The following NKAIN3 variants were observed in gnomAD, a reference collection of about 807,000 sequenced individuals.
NKAIN3 encodes sodium/potassium-transporting ATPase subunit beta-1-interacting protein 3.
Under a neutral mutation model 30.2 loss-of-function variants are expected in NKAIN3, and 25 were observed. The ratio of observed to expected loss-of-function variants is 0.83; its 90% CI spans 0.60 to 1.16. NKAIN3 has a LOEUF of 1.16. Among genes scored for constraint, NKAIN3 ranks in the 50% most tolerant of loss-of-function variants. NKAIN3 has a pLI of 0.00. For synonymous variants in NKAIN3, 91 were observed against 89.6 expected (o/e 1.02, Z -0.09); for missense variants, 225 against 254.1 (o/e 0.89, Z 0.78).
chr8:62,910,237 TAAAA>T (rs1416036822), intron 4 of NKAIN3, among the ~76,000 whole-genome samples: 1 of 152,150 alleles, frequency 6.6e-6, no homozygotes, highest in Non-Finnish European at 1.5e-5. Context: ...TCCATGGTCT[TAAAA>T]TTATAAGAAA....
rs1342293087 is a variant in NKAIN3 at position 62,974,389 on chromosome 8, T to C, written c.*8982T>C. On this transcript the variant is annotated 3_prime_UTR_variant, in exon 7 of 7. Coordinates refer to ENST00000623646, the MANE Select transcript of NKAIN3 (RefSeq NM_001304533.3). ...AGAGGTCATTCACATCCCTTGTAAG[T>C]TGCATTCCTAGGTATTTTATTCTCT... 6.6e-6 allele frequency among the ~76,000 whole-genome samples: 1 copy of C among 152,186 alleles called. No homozygotes were observed. The highest frequency in any genetic ancestry group is 1.5e-5 in the Non-Finnish European group (1 of 68,014).
chr8:62,534,958 G>C (rs773983380), intron 1 of NKAIN3, among the ~76,000 whole-genome samples: 1 of 150,046 alleles, frequency 6.7e-6, no homozygotes, highest in East Asian at 2.0e-4. Context: ...AACACAACTA[G>C]ACAAATAACT....
At chr8:62,739,879 A>T (rs975791265) in intron 3 of NKAIN3, among the ~76,000 whole-genome samples, 24 of 152,292 alleles carry the variant, frequency 1.6e-4, no homozygotes, top group African/African-American at 5.5e-4. Context: ...CAGTGGCAAA[A>T]GTCCAAATGA....
intron 3 of NKAIN3, among the ~76,000 whole-genome samples, chr8:62,742,781 C>T (rs778742177): frequency 2.6e-5 from 4 of 152,146 alleles, no homozygotes; most frequent in Non-Finnish European, 4.4e-5. Flanking sequence ...TTAGTCTGTT[C>T]TCACACTGCT....
chr8:62,815,559 G>T (rs1205046473), intron 4 of NKAIN3, among the ~76,000 whole-genome samples: 2 of 152,120 alleles, frequency 1.3e-5, no homozygotes, highest in East Asian at 1.9e-4. Flanking sequence ...TGCAAGTCTG[G>T]TTCAATATAC....
intron 1 of NKAIN3, among the ~76,000 whole-genome samples, chr8:62,299,793 A>G (rs1015988588): frequency 6.6e-6 from 1 of 152,178 alleles, no homozygotes; most frequent in African/African-American, 2.4e-5. Flanking sequence ...CAGTTTTAAC[A>G]ATATGTGAAC....
intron 4 of NKAIN3, among the ~76,000 whole-genome samples, chr8:62,773,251 G>A (rs545016888): frequency 6.6e-6 from 1 of 152,220 alleles, no homozygotes; most frequent in East Asian, 1.9e-4. Context: ...AGAGATTGGA[G>A]TATGGTTTCA....
At chr8:62,621,182 T>C (rs1236890320) in intron 3 of NKAIN3, among the ~76,000 whole-genome samples, 2 of 152,148 alleles carry the variant, frequency 1.3e-5, no homozygotes, top group Non-Finnish European at 2.9e-5. Flanking sequence ...ATAAAAGTTA[T>C]CATTCTGGAG....
At chr8:62,870,759 A>ATC (rs1820616561) in intron 4 of NKAIN3, among the ~76,000 whole-genome samples, 2 of 146,258 alleles carry the variant, frequency 1.4e-5, no homozygotes, top group Non-Finnish European at 3.0e-5. Context: ...ATCTAGATAT[A>ATC]TAGATATATA....
At chr8:62,570,392 A>G (rs2130016384) in intron 1 of NKAIN3, among the ~76,000 whole-genome samples, 1 of 152,316 alleles carries the variant, frequency 6.6e-6, no homozygotes, top group East Asian at 1.9e-4. Context: ...CCGTTTTCAC[A>G]CTGCTGACAA....
chr8:62,400,921 T>C (rs1803840918), intron 1 of NKAIN3, among the ~76,000 whole-genome samples: 1 of 152,214 alleles, frequency 6.6e-6, no homozygotes, highest in Admixed American at 6.5e-5. Context: ...ATGTGCTTCA[T>C]GTTCTGTAAC....
At chr8:62,541,246 G>C (rs1010151231) in intron 1 of NKAIN3, among the ~76,000 whole-genome samples, 9 of 152,112 alleles carry the variant, frequency 5.9e-5, no homozygotes, top group East Asian at 1.9e-4. Context: ...GAACCTGGGA[G>C]GGGGGAGGAT....
intron 4 of NKAIN3, among the ~76,000 whole-genome samples, chr8:62,811,349 G>A (rs1472608333): frequency 6.6e-6 from 1 of 151,942 alleles, no homozygotes; most frequent in African/African-American, 2.4e-5. Context: ...AGGTTTTTAT[G>A]TGAAAAAAAG....
chr8:62,957,822 T>C (rs1309735028), intron 6 of NKAIN3, among the ~76,000 whole-genome samples: 1 of 152,144 alleles, frequency 6.6e-6, no homozygotes, highest in Non-Finnish European at 1.5e-5. Flanking sequence ...CCATGGAATG[T>C]ACAACACCAA....
chr8:62,866,463 G>A (rs189029462), intron 4 of NKAIN3, among the ~76,000 whole-genome samples: 5 of 152,228 alleles, frequency 3.3e-5, no homozygotes, highest in African/African-American at 1.2e-4. Flanking sequence ...TTTGCAAGTT[G>A]CACACAGTTT....
At chr8:62,685,379 C>T (rs747244539) in intron 3 of NKAIN3, among the ~76,000 whole-genome samples, 1 of 152,136 alleles carries the variant, frequency 6.6e-6, no homozygotes, top group Non-Finnish European at 1.5e-5. Flanking sequence ...AAACTATCCT[C>T]CCTTTTATTC....
chr8:62,714,896 A>T (rs999778027), intron 3 of NKAIN3, among the ~76,000 whole-genome samples: 2 of 152,194 alleles, frequency 1.3e-5, no homozygotes, highest in African/African-American at 4.8e-5. Flanking sequence ...AAGGTCATTA[A>T]CAGTGCTGTT....
chr8:62,454,625 A>G (rs1356173133), intron 1 of NKAIN3, among the ~76,000 whole-genome samples: 1 of 152,234 alleles, frequency 6.6e-6, no homozygotes, highest in Non-Finnish European at 1.5e-5. Context: ...CATTATATCT[A>G]GAATCATGAG....
At chr8:62,355,391 C>T (rs1171173447) in intron 1 of NKAIN3, among the ~76,000 whole-genome samples, 1 of 152,174 alleles carries the variant, frequency 6.6e-6, no homozygotes, top group Non-Finnish European at 1.5e-5. Context: ...TCCCTTGCTT[C>T]TGGGATCAGC....
Sources: gnomAD v4.1 joint callset for allele counts (sites outside exome capture counted in the v4.1 genomes callset) on GRCh38, gnomAD v4.1.1 for gene constraint, MANE v1.5 for transcripts, NCBI Gene and HGNC (gene_info 2026-07-23, HGNC 2026-07-21) for gene names.